FRK: variants seen among roughly 807,000 people sequenced by gnomAD.
FRK encodes fyn related Src family tyrosine kinase.
A neutral mutation model predicts 56.4 loss-of-function variants in FRK; 51 were observed. The ratio of observed to expected loss-of-function variants is 0.90; its 90% confidence interval spans 0.72 to 1.14. The LOEUF (loss-of-function observed/expected upper bound fraction) is 1.14. Ranked by LOEUF, FRK falls within the 50% of genes most tolerant of loss-of-function variation. The pLI is 0.00. For synonymous variants in FRK, 245 were observed against 217.9 expected (o/e 1.12, Z -1.10); for missense variants, 570 against 601.4 (o/e 0.95, Z 0.55).
chr6:116,020,575 C>T (rs371650031), intron 1 of FRK, among the ~76,000 whole-genome samples: 25 of 152,314 alleles, frequency 1.6e-4, no homozygotes, highest in African/African-American at 6.0e-4. Context: ...CAGACGTGAG[C>T]CACTGCACTG....
chr6:115,968,521 T>G (rs1320283402), intron 3 of FRK, 55 bp downstream of exon 3: 3 of 1,570,626 alleles, frequency 1.9e-6, no homozygotes, highest in Non-Finnish European at 2.6e-6. Context: ...TACTCAGATA[T>G]CTGAAGGAAA....
chr6:116,059,972 C>G lies in FRK; in HGVS notation c.340G>C (p.Glu114Gln), dbSNP rs1407116896. The G allele has an allele frequency of 1.2e-6, 2 of 1,613,148 alleles. No individual in the cohort carries two copies. Among genetic ancestry groups the G allele is most frequent in the Non-Finnish European group, 1.7e-6 (2 of 1,179,342 alleles). Residue 114 changes from glutamate (E) to glutamine (Q), a missense_variant, in exon 1 of 8, where the codon GAG becomes CAG. Glu to Gln is a conservative substitution (Grantham distance 29, BLOSUM62 2). Coordinates refer to ENST00000606080, the MANE Select transcript of FRK (RefSeq NM_002031.3). Reference sequence around the variant, plus strand: ...GTATAAGTTTGTACTACTCACGGCTCTGCCTGTAGGCTTCTGTCCTCAGCC... The same window carrying G: ...GTATAAGTTTGTACTACTCACGGCTGTGCCTGTAGGCTTCTGTCCTCAGCC... ...YVAEDRSLQA[E>Q]PWFFGAIGRS...
At chr6:115,962,960 G>A (rs1773436741) in intron 4 of FRK, among the ~76,000 whole-genome samples, 1 of 29,596 alleles carries the variant, frequency 3.4e-5, no homozygotes. Context: ...ATCCAAAATT[G>A]ACACCCTAAC....
intron 1 of FRK, among the ~76,000 whole-genome samples, chr6:116,014,509 C>T (rs1299776636): frequency 1.3e-5 from 2 of 149,710 alleles, no homozygotes; most frequent in Non-Finnish European, 3.0e-5. Context: ...GTGAAGAAAC[C>T]AAAAAGGTAT....
chr6:116,030,320 A>G (rs148405119), intron 1 of FRK, among the ~76,000 whole-genome samples: 2 of 152,254 alleles, frequency 1.3e-5, no homozygotes, highest in East Asian at 1.9e-4. Context: ...GGTTTTGCCA[A>G]CTTACTTTGG....
At chr6:116,027,798 T>C (rs566405616) in intron 1 of FRK, among the ~76,000 whole-genome samples, 1 of 149,230 alleles carries the variant, frequency 6.7e-6, no homozygotes, top group Non-Finnish European at 1.5e-5. Context: ...ATAAAAGACA[T>C]TAAAAGAAAA....
intron 5 of FRK, among the ~76,000 whole-genome samples, chr6:115,956,168 A>G (rs1274483635): frequency 6.6e-6 from 1 of 152,238 alleles, no homozygotes; most frequent in Non-Finnish European, 1.5e-5. Context: ...GCAAAGCATC[A>G]TGCTAAACAT....
intron 2 of FRK, among the ~76,000 whole-genome samples, chr6:115,996,014 G>A (rs1305591684): frequency 6.6e-6 from 1 of 152,086 alleles, no homozygotes; most frequent in African/African-American, 2.4e-5. Context: ...ATGAGATACT[G>A]GAGTTATTAA....
chr6:115,952,590 A>G (rs1169368341), intron 5 of FRK, among the ~76,000 whole-genome samples: 1 of 151,940 alleles, frequency 6.6e-6, no homozygotes, highest in Non-Finnish European at 1.5e-5. Context: ...CCAAAGGACT[A>G]TAAATCATGC....
intron 1 of FRK, among the ~76,000 whole-genome samples, chr6:116,041,972 G>A (rs1322574127): frequency 2.0e-5 from 3 of 152,182 alleles, no homozygotes; most frequent in Non-Finnish European, 4.4e-5. Flanking sequence ...CACCCCCACG[G>A]AGCCCAGCAA....
At chr6:115,944,209 A>C (rs757704982) in intron 6 of FRK, 35 bp downstream of exon 6, 1 of 1,550,172 alleles carries the variant, frequency 6.5e-7, no homozygotes, top group South Asian at 1.2e-5. Flanking sequence ...CTTTTGACCT[A>C]TTACAAAAAC....
At chr6:116,063,057 T>C (rs1329674851), upstream of FRK, among the ~76,000 whole-genome samples, 1 of 152,168 alleles carries the variant, frequency 6.6e-6, no homozygotes, top group African/African-American at 2.4e-5. Context: ...TAATAGTTTA[T>C]AGAGTAGTTT....
At chr6:115,994,305 T>A (rs1774740799) in intron 2 of FRK, among the ~76,000 whole-genome samples, 1 of 144,052 alleles carries the variant, frequency 6.9e-6, no homozygotes, top group Admixed American at 7.2e-5. Flanking sequence ...TGTTATTGGG[T>A]ATCCAGAATC....
the FRK span, among the ~76,000 whole-genome samples, chr6:116,092,193 G>A: frequency 6.6e-6 from 1 of 152,160 alleles, no homozygotes; most frequent in South Asian, 2.1e-4. Context: ...CCTGTCGGGT[G>A]GGGACTATCT....
At chr6:115,946,301 C>G (rs1457061473) in intron 5 of FRK, among the ~76,000 whole-genome samples, 1 of 152,058 alleles carries the variant, frequency 6.6e-6, no homozygotes, top group East Asian at 1.9e-4. Flanking sequence ...TTCTTTGTGA[C>G]CTTGGGCAAG....
intron 1 of FRK, among the ~76,000 whole-genome samples, chr6:116,032,421 T>C (rs1020078619): frequency 2.0e-5 from 3 of 152,034 alleles, no homozygotes; most frequent in Non-Finnish European, 2.9e-5. Flanking sequence ...AACACCACGA[T>C]ATCCTAAGGA....
At chr6:116,086,549 T>C in the FRK span, among the ~76,000 whole-genome samples, 10 of 152,348 alleles carry the variant, frequency 6.6e-5, no homozygotes, top group African/African-American at 2.4e-4. Flanking sequence ...AAATTAAAAG[T>C]AGTAGCTCAT....
chr6:115,942,739 A>C (rs1450992368), intron 7 of FRK, 114 bp from the exon 8 acceptor site: 2 of 943,076 alleles, frequency 2.1e-6, no homozygotes, highest in Non-Finnish European at 3.2e-6. Flanking sequence ...TTCTTTGGCA[A>C]AGATTTAAGG....
chr6:116,082,654 T>TA, the FRK span, among the ~76,000 whole-genome samples: 1 of 152,102 alleles, frequency 6.6e-6, no homozygotes, highest in Non-Finnish European at 1.5e-5. Context: ...CTGGAAAACA[T>TA]AGAGTTTCTA....
Sources: gnomAD v4.1 joint callset for allele counts (sites outside exome capture counted in the v4.1 genomes callset) on GRCh38, gnomAD v4.1.1 for gene constraint, MANE v1.5 for transcripts, NCBI Gene and HGNC (gene_info 2026-07-23, HGNC 2026-07-21) for gene names.